Variants in HNF4G observed in about 807,000 individuals in gnomAD.
HNF4G encodes hepatocyte nuclear factor 4 gamma.
HNF4G carries 21 observed loss-of-function variants against 50.9 expected under a neutral mutation model. That is an observed-to-expected ratio of 0.41 (90% CI 0.29 to 0.59). The LOEUF (loss-of-function observed/expected upper bound fraction) is 0.59. Among genes scored for constraint, HNF4G ranks in the 20% least tolerant of loss-of-function variants. HNF4G has a pLI of 0.26. For missense variants in HNF4G, 527 were observed against 559.4 expected (o/e 0.94, Z 0.58); for synonymous variants, 198 against 185.6 (o/e 1.07, Z -0.54).
At chr8:75,411,069 C>T (rs143121798) in intron 1 of HNF4G, among the ~76,000 whole-genome samples, 19 of 152,240 alleles carry the variant, frequency 1.2e-4, no homozygotes, top group East Asian at 9.6e-4. Context: ...ACTTTACAGA[C>T]GGAAAAAGTG....
chr8:75,525,041 C>A (rs937246588), intron 2 of HNF4G, among the ~76,000 whole-genome samples: 1 of 152,118 alleles, frequency 6.6e-6, no homozygotes, highest in African/African-American at 2.4e-5. Context: ...CTTCCTAAAG[C>A]CCCAGTTCTC....
chr8:75,421,646 G>A (rs1396041178), intron 1 of HNF4G, among the ~76,000 whole-genome samples: 1 of 152,198 alleles, frequency 6.6e-6, no homozygotes, highest in African/African-American at 2.4e-5. Context: ...GCACATGCAA[G>A]TGGTTCACAA....
At chr8:75,430,061 G>T (rs766011835) in intron 1 of HNF4G, among the ~76,000 whole-genome samples, 1 of 151,744 alleles carries the variant, frequency 6.6e-6, no homozygotes, top group Non-Finnish European at 1.5e-5. Flanking sequence ...TGAGGCAGGA[G>T]TATCGTTTGA....
chr8:75,423,477 C>G (rs1025327333), intron 1 of HNF4G, among the ~76,000 whole-genome samples: 3 of 151,134 alleles, frequency 2.0e-5, no homozygotes, highest in African/African-American at 7.3e-5. Context: ...ATAACTCCGC[C>G]TCCCAGGTTC....
intron 2 of HNF4G, among the ~76,000 whole-genome samples, chr8:75,516,031 C>T (rs201504559): frequency 3.3e-4 from 50 of 152,224 alleles, no homozygotes; most frequent in Admixed American, 2.5e-3. Flanking sequence ...CCCAAAGTGC[C>T]GGGATTACAG....
intron 1 of HNF4G, among the ~76,000 whole-genome samples, chr8:75,479,608 T>C (rs1390522119): frequency 6.6e-6 from 1 of 151,910 alleles, no homozygotes; most frequent in Non-Finnish European, 1.5e-5. Flanking sequence ...ATGTGTCTCT[T>C]ATATAAAGAA....
chr8:75,430,685 C>T (rs956814833), intron 1 of HNF4G, among the ~76,000 whole-genome samples: 1 of 152,162 alleles, frequency 6.6e-6, no homozygotes, highest in Non-Finnish European at 1.5e-5. Flanking sequence ...TTTTAAGTGA[C>T]ACTTGGTTGA....
At chr8:75,520,727 C>T (rs558366827) in intron 2 of HNF4G, among the ~76,000 whole-genome samples, 1 of 152,220 alleles carries the variant, frequency 6.6e-6, no homozygotes, top group African/African-American at 2.4e-5. Flanking sequence ...TGTGCACCAC[C>T]ACGCCCAGCC....
At position 75,521,876 on chromosome 8, in the gene HNF4G, C is replaced by CA. The variant is rs528590018; in HGVS notation, c.-23-21935_-23-21934insA. On this transcript the variant is annotated intron_variant, in intron 2 of 10. Transcript: ENST00000354370. Reference sequence around the variant, plus strand: ...ACACTTTTGTATGTCTCCATTCCCCCCACACACAGTCCTTGCCTTACAATG... The same window carrying CA: ...ACACTTTTGTATGTCTCCATTCCCCCACACACACAGTCCTTGCCTTACAATG... 3.5e-3 allele frequency among the ~76,000 whole-genome samples: 529 copies of CA among 152,256 alleles called. 6 individuals are homozygous for CA. Among genetic ancestry groups the CA allele is most frequent in the African/African-American group, 0.012 (507 of 41,560 alleles).
intron 1 of HNF4G, among the ~76,000 whole-genome samples, chr8:75,422,893 G>T (rs76231082): frequency 0.01 from 1,542 of 152,222 alleles, 28 homozygotes; most frequent in African/African-American, 0.034. Context: ...TACAGGCACT[G>T]CTCTAAATGC....
chr8:75,483,174 A>G (rs57209571), intron 1 of HNF4G, among the ~76,000 whole-genome samples: 3,638 of 152,332 alleles, frequency 0.024, 142 homozygotes, highest in African/African-American at 0.08. Context: ...TAAAATAAAT[A>G]TAAAATGGAT....
At chr8:75,498,409 G>C (rs1482151412) in intron 2 of HNF4G, among the ~76,000 whole-genome samples, 1 of 152,046 alleles carries the variant, frequency 6.6e-6, no homozygotes, top group Non-Finnish European at 1.5e-5. Flanking sequence ...AATTAAATTA[G>C]TGATCAAAAA....
chr8:75,526,002 G>A (rs1806167909), intron 2 of HNF4G, among the ~76,000 whole-genome samples: 1 of 152,118 alleles, frequency 6.6e-6, no homozygotes, highest in Non-Finnish European at 1.5e-5. Flanking sequence ...AAGTTGGAGG[G>A]AGATTTCAAA....
chr8:75,413,093 CAAGAGATG>C (rs1179828192), intron 1 of HNF4G, among the ~76,000 whole-genome samples: 1 of 151,508 alleles, frequency 6.6e-6, no homozygotes, highest in Non-Finnish European at 1.5e-5. Flanking sequence ...GGAATAGTAG[CAAGAGATG>C]AAGTGGGGAA....
rs1366616212 is a variant in HNF4G at position 75,544,068 on chromosome 8, GTA to G, written c.287+93_287+94del. 2.2e-5 allele frequency: 25 copies of G among 1,148,512 alleles called. No individual in the cohort carries two copies. The African/African-American group carries it at 3.3e-4, about 15-fold the overall frequency. The allele number at this position is 1,148,512 out of a possible 1,614,324, so 71.1% of individuals were successfully genotyped here. Reference sequence around the variant, plus strand: ...TAAGAGAAGAAAATTCAGAGTTTTCGTATATCTGTAAGTCTATAAATACAATC... The same window carrying G: ...TAAGAGAAGAAAATTCAGAGTTTTCGTATCTGTAAGTCTATAAATACAATC... On this transcript the variant is annotated intron_variant, in intron 2 of 9. Transcript: ENST00000396423.
At chr8:75,544,029 T>G in intron 2 of HNF4G, 50 bp downstream of exon 2, 1 of 1,478,406 alleles carries the variant, frequency 6.8e-7, no homozygotes, top group South Asian at 1.3e-5. Context: ...TGTTTCAGTT[T>G]GGCACGCAAA....
At chr8:75,482,504 C>T (rs1298387311) in intron 1 of HNF4G, among the ~76,000 whole-genome samples, 2 of 152,034 alleles carry the variant, frequency 1.3e-5, no homozygotes, top group Non-Finnish European at 2.9e-5. Context: ...GTAGCTGGGA[C>T]TACAGGCTTG....
At chr8:75,448,317 A>C (rs1274106584) in intron 1 of HNF4G, among the ~76,000 whole-genome samples, 1 of 143,732 alleles carries the variant, frequency 7.0e-6, no homozygotes, top group Admixed American at 7.0e-5. Context: ...TATCATTGGG[A>C]GATATACCTA....
At chr8:75,520,204 G>T (rs2130743775) in intron 2 of HNF4G, among the ~76,000 whole-genome samples, 1 of 151,954 alleles carries the variant, frequency 6.6e-6, no homozygotes, top group African/African-American at 2.4e-5. Context: ...CCATATAATT[G>T]TTTGTATAAC....
Sources: gnomAD v4.1 joint callset for allele counts (sites outside exome capture counted in the v4.1 genomes callset) on GRCh38, gnomAD v4.1.1 for gene constraint, MANE v1.5 for transcripts, NCBI Gene and HGNC (gene_info 2026-07-23, HGNC 2026-07-21) for gene names.